COG3: variants seen among roughly 807,000 people sequenced by gnomAD.
COG3 encodes the protein component of oligomeric golgi complex 3, also known as conserved oligomeric Golgi complex subunit 3.
A neutral mutation model predicts 114.1 loss-of-function variants in COG3; 32 were observed. The ratio of observed to expected loss-of-function variants is 0.28; its 90% CI spans 0.21 to 0.38. The LOEUF (loss-of-function observed/expected upper bound fraction) is 0.38. Among genes scored for constraint, COG3 ranks in the 10% least tolerant of loss-of-function variants. The probability of loss-of-function intolerance (pLI) is 1.00; values close to 1 mark genes in which losing one functional copy is unlikely to be tolerated. For missense variants in COG3, 813 were observed against 973.2 expected (o/e 0.84, Z 2.19); for synonymous variants, 352 against 365.7 (o/e 0.96, Z 0.43).
At chr13:45,492,005 C>CATCT (rs1448902295) in intron 10 of COG3, among the ~76,000 whole-genome samples, 154 bp from the exon 11 acceptor site, 2 of 152,188 alleles carry the variant, frequency 1.3e-5, no homozygotes, top group Non-Finnish European at 2.9e-5. Flanking sequence ...ATTATGCAGT[C>CATCT]ATCTATCGAA....
intron 15 of COG3, among the ~76,000 whole-genome samples, chr13:45,510,058 ATGACTG>A (rs2137880673): frequency 6.6e-6 from 1 of 152,268 alleles, no homozygotes; most frequent in African/African-American, 2.4e-5. Flanking sequence ...CAAATTTTGC[ATGACTG>A]TTTTATGTGT....
chr13:45,519,428 G>C (rs1002547627), intron 19 of COG3, among the ~76,000 whole-genome samples: 4 of 152,226 alleles, frequency 2.6e-5, no homozygotes, highest in African/African-American at 9.6e-5. Context: ...CTGCATGGCA[G>C]CAACCACAGT....
intron 19 of COG3, among the ~76,000 whole-genome samples, chr13:45,520,094 C>T (rs978800005): frequency 6.6e-6 from 1 of 151,972 alleles, no homozygotes; most frequent in African/African-American, 2.4e-5. Context: ...GGTTAACAGT[C>T]CTGGGTAACA....
intron 13 of COG3, among the ~76,000 whole-genome samples, chr13:45,500,066 G>GT (rs1869317726): frequency 2.0e-5 from 1 of 51,018 alleles, no homozygotes. Context: ...GTGTGTGTGT[G>GT]AGTGTGTGTG....
chr13:45,481,948 T>C (rs1238500547), intron 5 of COG3, among the ~76,000 whole-genome samples: 2 of 152,174 alleles, frequency 1.3e-5, no homozygotes, highest in Non-Finnish European at 2.9e-5. Flanking sequence ...GATTGACTGG[T>C]TGCATTTTAC....
chr13:45,492,918 T>C (rs560653797), intron 11 of COG3, among the ~76,000 whole-genome samples: 22 of 152,344 alleles, frequency 1.4e-4, no homozygotes, highest in Admixed American at 9.8e-4. Context: ...GAATTTTGTT[T>C]ATCTAAATCT....
chr13:45,505,411 C>T (rs1233768510), intron 14 of COG3, among the ~76,000 whole-genome samples: 7 of 150,566 alleles, frequency 4.6e-5, no homozygotes, highest in African/African-American at 1.5e-4. Flanking sequence ...AAGCAATTCT[C>T]CTGCCTCAGC....
intron 20 of COG3, among the ~76,000 whole-genome samples, chr13:45,528,097 A>C (rs12583179): frequency 0.15 from 22,239 of 152,142 alleles, 2,598 homozygotes; most frequent in African/African-American, 0.32. Flanking sequence ...GAACAAAAGC[A>C]TTCCTAATTT....
chr13:45,503,054 C>T (rs900891302), intron 13 of COG3, among the ~76,000 whole-genome samples, 190 bp from the exon 14 acceptor site: 1 of 152,074 alleles, frequency 6.6e-6, no homozygotes, highest in African/African-American at 2.4e-5. Flanking sequence ...AAAGCAAAAA[C>T]CTGTTATTTG....
At chr13:45,513,207 CATATAAATTATA>C in intron 16 of COG3, among the ~76,000 whole-genome samples, 1 of 66,710 alleles carries the variant, frequency 1.5e-5, no homozygotes, top group Non-Finnish European at 4.0e-5. Flanking sequence ...ATAATATATA[CATATAAATTATA>C]TATATATAAT....
chr13:45,508,068 T>TAAAAAACAAAAAAAAAAAAAAAAAAA (rs1870385332), intron 14 of COG3, among the ~76,000 whole-genome samples: 1 of 32,258 alleles, frequency 3.1e-5, no homozygotes, highest in African/African-American at 1.3e-4. Flanking sequence ...AGGTCCAACC[T>TAAAAAACAAAAAAAAAAAAAAAAAAA]AAAAAAAAAA....
chr13:45,522,250 A>G (rs2137912252), intron 19 of COG3, among the ~76,000 whole-genome samples: 1 of 152,304 alleles, frequency 6.6e-6, no homozygotes, highest in South Asian at 2.1e-4. Context: ...AGGCTCATCA[A>G]CAAAATGTCC....
chr13:45,511,705 A>T, intron 15 of COG3, 60 bp from the exon 16 acceptor site: 1 of 1,270,832 alleles, frequency 7.9e-7, no homozygotes, highest in Non-Finnish European at 1.1e-6. Flanking sequence ...AGCCTAGGAT[A>T]TTCCTTTTTT....
intron 20 of COG3, among the ~76,000 whole-genome samples, chr13:45,528,199 C>G (rs1267131876): frequency 1.3e-5 from 2 of 152,136 alleles, no homozygotes; most frequent in Admixed American, 6.5e-5. Context: ...GAGTACATAT[C>G]CCCATGATGT....
At chr13:45,503,218 A>T in intron 13 of COG3, 26 bp from the exon 14 acceptor site, 1 of 1,123,216 alleles carries the variant, frequency 8.9e-7, no homozygotes, top group Non-Finnish European at 1.4e-6. Flanking sequence ...GAAAACGGTA[A>T]CATTCCTTCT....
chr13:45,515,139 A>G (rs189433844), intron 16 of COG3, among the ~76,000 whole-genome samples: 6 of 152,334 alleles, frequency 3.9e-5, no homozygotes, highest in Admixed American at 2.0e-4. Flanking sequence ...TTTTGGCATC[A>G]GAGTTGTTAG....
At chr13:45,511,458 G>A (rs11839004) in intron 15 of COG3, among the ~76,000 whole-genome samples, 3,315 of 152,310 alleles carry the variant, frequency 0.022, 116 homozygotes, top group African/African-American at 0.074. Flanking sequence ...TTGTTGGAGC[G>A]AAGGCTCCGT....
chr13:45,513,501 A>ATATATATAATATATACATATAAAT (rs1871192332), intron 16 of COG3, among the ~76,000 whole-genome samples: 2 of 3,788 alleles, frequency 5.3e-4, no homozygotes, highest in African/African-American at 9.7e-4. Flanking sequence ...CATATAAATT[A>ATATATATAATATATACATATAAAT]TATATATAAT....
In COG3 at chr13:45,509,720, A is replaced by G. The variant is rs1289255365; in HGVS notation, c.1623A>G (p.Pro541=). 1 of 1,614,148 alleles carries G rather than the reference A, an allele frequency of 6.2e-7. No individual in the cohort carries two copies. The highest frequency in any genetic ancestry group is 1.7e-4 in the Middle Eastern group (1 of 6,060). Residue 541 remains proline (P), a synonymous_variant, in exon 15 of 23, where the codon CCA becomes CCG. Transcript: ENST00000349995. The part of the protein sequence containing the change: ...SGSTESLNPR[P]QTTISPADLH... ...CAACAGAATCCCTCAATCCTAGACC[A>G]CAGACCACAATTTCTCCAGCAGATC...
Sources: gnomAD v4.1 joint callset for allele counts (sites outside exome capture counted in the v4.1 genomes callset) on GRCh38, gnomAD v4.1.1 for gene constraint, MANE v1.5 for transcripts, NCBI Gene and HGNC (gene_info 2026-07-23, HGNC 2026-07-21) for gene names.